SF3B3: variants seen among roughly 807,000 people sequenced by gnomAD.
The protein encoded by SF3B3 is SAP 130.
In SF3B3, 33 loss-of-function variants were observed where a neutral mutation model predicts 139.2. The ratio of observed to expected loss-of-function variants is 0.24; its 90% CI spans 0.18 to 0.32. The LOEUF (loss-of-function observed/expected upper bound fraction) is 0.32. Among genes scored for constraint, SF3B3 ranks in the 10% least tolerant of loss-of-function variants. The probability of loss-of-function intolerance (pLI) is 1.00; values close to 1 mark genes in which losing one functional copy is unlikely to be tolerated. For missense variants in SF3B3, 818 were observed against 1,509.4 expected, an observed-to-expected ratio of 0.54 and a Z score of 7.59; for synonymous variants, 596 against 563.6, an observed-to-expected ratio of 1.06 and a Z score of -0.81.
At chr16:70,561,484 T>A in intron 16 of SF3B3, 146 bp from the exon 17 acceptor site, 1 of 707,990 alleles carries the variant, frequency 1.4e-6, no homozygotes, top group East Asian at 2.5e-5. Flanking sequence ...CTAGCCCTCT[T>A]TTTCTTAAGA....
chr16:70,568,306 G>T lies in SF3B3; in HGVS notation c.2976G>T (p.Gly992=). ...AGCATATTGCCAATTATATCTCTGG[G>T]ATCCAGACTATCGGACATAGGGTAA... is the stretch of plus-strand genomic sequence containing the variant. ...ENKHIANYIS[G]IQTIGHRVIV... Residue 992 remains glycine (G), a synonymous_variant, in exon 22 of 26, where the codon GGG becomes GGT. Coordinates refer to ENST00000302516, the MANE Select transcript of SF3B3 (RefSeq NM_012426.5). The T allele has an allele frequency of 6.2e-7, 1 of 1,612,572 alleles. No homozygotes were observed. Among genetic ancestry groups the T allele is most frequent in the South Asian group, 1.1e-5 (1 of 91,008 alleles).
intron 10 of SF3B3, 141 bp downstream of exon 10, chr16:70,544,674 A>G: frequency 1.6e-6 from 1 of 606,326 alleles, no homozygotes; most frequent in Non-Finnish European, 3.0e-6. Context: ...ACTTCCCCGA[A>G]GTTTATACTT....
chr16:70,533,757 T>A (rs962458708), intron 5 of SF3B3, among the ~76,000 whole-genome samples: 1 of 151,330 alleles, frequency 6.6e-6, no homozygotes, highest in Non-Finnish European at 1.5e-5. Flanking sequence ...AAATAAGATG[T>A]TGTTTGGGGA....
chr16:70,544,997 T>A (rs2151784183), intron 10 of SF3B3, among the ~76,000 whole-genome samples: 1 of 152,362 alleles, frequency 6.6e-6, no homozygotes, highest in African/African-American at 2.4e-5. Context: ...CAATGCTATA[T>A]ATATTTTTGT....
At chr16:70,540,349 A>G (rs1417419122) in intron 8 of SF3B3, among the ~76,000 whole-genome samples, 1 of 150,774 alleles carries the variant, frequency 6.6e-6, no homozygotes, top group Non-Finnish European at 1.5e-5. Context: ...GGCGTGTGCC[A>G]CCGTGCCCAG....
Position 70,575,172 on chromosome 16 carries a change from T to C in SF3B3, c.*3359T>C, listed in dbSNP as rs1367891289. ...ACAACCAAGAGTTGTTTCTCTTTTTTTTCTTTTTCTTTTTCTTTTTTTTCT... is the reference window on the plus strand; with the variant it reads ...ACAACCAAGAGTTGTTTCTCTTTTTCTTCTTTTTCTTTTTCTTTTTTTTCT... On this transcript the variant is annotated 3_prime_UTR_variant, in exon 26 of 26. Transcript: ENST00000302516. The C allele has an allele frequency of 6.6e-6, 1 of 151,096 alleles. No homozygotes were observed. The highest frequency in any genetic ancestry group is 1.5e-5 in the Non-Finnish European group (1 of 68,152). 9.4% of individuals were successfully genotyped at this position (151,096 alleles called of 1,614,324 possible).
At chr16:70,534,149 G>C (rs897407239) in intron 5 of SF3B3, among the ~76,000 whole-genome samples, 14 of 152,222 alleles carry the variant, frequency 9.2e-5, no homozygotes, top group Middle Eastern at 3.2e-3. Context: ...GAGTCTCTAA[G>C]CTGAGATCTG....
intron 7 of SF3B3, 105 bp from the exon 8 acceptor site, chr16:70,538,999 C>G: frequency 1.2e-6 from 1 of 841,304 alleles, no homozygotes; most frequent in African/African-American, 1.7e-5. Flanking sequence ...GACCCCTGGT[C>G]AGATATGAAA....
intron 11 of SF3B3, among the ~76,000 whole-genome samples, chr16:70,549,317 A>C (rs1291472503): frequency 6.6e-6 from 1 of 152,240 alleles, no homozygotes; most frequent in African/African-American, 2.4e-5. Context: ...CTATTAGTAG[A>C]ATACTCATTT....
chr16:70,533,792 G>A (rs569343270), intron 5 of SF3B3, among the ~76,000 whole-genome samples: 1 of 152,258 alleles, frequency 6.6e-6, no homozygotes, highest in African/African-American at 2.4e-5. Context: ...AAAAATAAAG[G>A]ACAGCACTTA....
intron 17 of SF3B3, among the ~76,000 whole-genome samples, chr16:70,562,555 A>G (rs927670075): frequency 6.6e-6 from 1 of 152,116 alleles, no homozygotes; most frequent in East Asian, 1.9e-4. Flanking sequence ...ACATCACTTA[A>G]TATTTTTTTA....
chr16:70,568,924 C>A, intron 22 of SF3B3, 119 bp from the exon 23 acceptor site: 1 of 653,184 alleles, frequency 1.5e-6, no homozygotes. Context: ...TGGGCTCAGG[C>A]CTCTGTCTAG....
chr16:70,529,271 A>C (rs566969283), intron 3 of SF3B3, 72 bp downstream of exon 3: 2 of 1,247,354 alleles, frequency 1.6e-6, no homozygotes, highest in East Asian at 4.7e-5. Flanking sequence ...GTGGTGTGCC[A>C]GTGCCAATTA....
At chr16:70,544,677 T>C (rs562796710) in intron 10 of SF3B3, 144 bp downstream of exon 10, 2 of 603,676 alleles carry the variant, frequency 3.3e-6, no homozygotes, top group East Asian at 5.7e-5. Flanking sequence ...TCCCCGAAGT[T>C]TATACTTCAG....
intron 10 of SF3B3, among the ~76,000 whole-genome samples, chr16:70,547,094 C>T (rs1262224737): frequency 2.0e-5 from 3 of 152,028 alleles, no homozygotes; most frequent in East Asian, 1.9e-4. Context: ...TTTGTTACAC[C>T]TTGTTGTCTA....
In SF3B3 at chr16:70,566,736, TTGTCTCTCCTTTACAAC is replaced by T. The variant is rs1466435757; in HGVS notation, c.2827-672_2827-656del. On this transcript the variant is annotated intron_variant, in intron 20 of 25. Coordinates refer to ENST00000302516, the MANE Select transcript of SF3B3 (RefSeq NM_012426.5). ...TCATAGACCCTTTTGCATATTAAAT[TTGTCTCTCCTTTACAAC>T]TGAGATGTCACTAGGCTGGGTGCAG... is the stretch of plus-strand genomic sequence containing the variant. Among the ~76,000 whole-genome samples the T allele has an allele frequency of 1.4e-4, 21 of 152,162 alleles. No individual in the cohort carries two copies. In the East Asian group the frequency reaches 3.9e-3, roughly 28 times the overall value.
chr16:70,542,179 T>G (rs2050225077), intron 9 of SF3B3, among the ~76,000 whole-genome samples: 1 of 151,994 alleles, frequency 6.6e-6, no homozygotes, highest in Non-Finnish European at 1.5e-5. Flanking sequence ...TGTGACTGCT[T>G]CTAGGTGTTT....
At chr16:70,527,241 G>T (rs1028935747) in intron 2 of SF3B3, among the ~76,000 whole-genome samples, 1 of 152,208 alleles carries the variant, frequency 6.6e-6, no homozygotes, top group African/African-American at 2.4e-5. Context: ...ACCATGTGGG[G>T]AATATTTTTG....
chr16:70,568,293 A>C lies in SF3B3; in HGVS notation c.2963A>C (p.Asn988Thr). ...LRKCENKHIA[N>T]YISGIQTIGH... Reference sequence around the variant, plus strand: ...CTTTGTTTTTCCCAGCATATTGCCAATTATATCTCTGGGATCCAGACTATC... The same window carrying C: ...CTTTGTTTTTCCCAGCATATTGCCACTTATATCTCTGGGATCCAGACTATC... The change falls in exon 22 of 26, where the codon AAT becomes ACT. Residue 988 changes from asparagine to threonine, a missense_variant. By Grantham distance (65) the Asn-to-Thr change is moderately conservative. Coordinates refer to ENST00000302516, the MANE Select transcript of SF3B3 (RefSeq NM_012426.5). The C allele has an allele frequency of 1.2e-6, 2 of 1,611,428 alleles. No homozygotes were observed. The highest frequency in any genetic ancestry group is 1.7e-6 in the Non-Finnish European group (2 of 1,177,610).
Sources: allele counts gnomAD v4.1 joint callset (sites outside exome capture counted in the v4.1 genomes callset), GRCh38; gene constraint gnomAD v4.1.1; transcripts MANE v1.5; gene names NCBI Gene and HGNC (gene_info 2026-07-23, HGNC 2026-07-21).